INPP4B: variants seen among roughly 807,000 people sequenced by gnomAD.
The protein encoded by INPP4B is inositol polyphosphate 4-phosphatase type II.
INPP4B carries 55 observed loss-of-function variants against 122.5 expected under a neutral mutation model. The ratio of observed to expected loss-of-function variants is 0.45; its 90% CI spans 0.36 to 0.56. The LOEUF (loss-of-function observed/expected upper bound fraction) is 0.56. Among genes scored for constraint, INPP4B ranks in the 20% least tolerant of loss-of-function variants. The pLI, the probability that INPP4B is intolerant of heterozygous loss-of-function variation, is 0.00. For missense variants in INPP4B, 1,000 were observed against 1,097.7 expected, an observed-to-expected ratio of 0.91 and a Z score of 1.26; for synonymous variants, 403 against 388.7, an observed-to-expected ratio of 1.04 and a Z score of -0.43.
intron 15 of INPP4B, among the ~76,000 whole-genome samples, chr4:142,186,980 T>A (rs1833456247): frequency 6.6e-6 from 1 of 152,078 alleles, no homozygotes; most frequent in Non-Finnish European, 1.5e-5. Flanking sequence ...AAAGTCCACA[T>A]GGAGAAGAGA....
At chr4:142,779,909 G>A (rs549825101) in intron 1 of INPP4B, among the ~76,000 whole-genome samples, 1 of 152,220 alleles carries the variant, frequency 6.6e-6, no homozygotes, top group East Asian at 1.9e-4. Context: ...GAGAGTCACA[G>A]TGACAGAGAT....
intron 2 of INPP4B, among the ~76,000 whole-genome samples, chr4:142,559,536 T>A (rs1195801856): frequency 2.0e-5 from 3 of 152,144 alleles, no homozygotes; most frequent in Non-Finnish European, 4.4e-5. Context: ...ATAGCAAGGA[T>A]GTCTTGCTAT....
chr4:142,820,618 A>G (rs1780686186), intron 1 of INPP4B, among the ~76,000 whole-genome samples: 1 of 152,140 alleles, frequency 6.6e-6, no homozygotes, highest in Non-Finnish European at 1.5e-5. Context: ...AGGTCACATA[A>G]ATGTAATAAA....
chr4:142,671,918 C>T (rs1172927652), intron 2 of INPP4B, among the ~76,000 whole-genome samples: 1 of 152,120 alleles, frequency 6.6e-6, no homozygotes, highest in East Asian at 1.9e-4. Context: ...CTGAGGTCAA[C>T]TCCTACTCTA....
At chr4:142,690,199 A>G (rs1018540372) in intron 2 of INPP4B, among the ~76,000 whole-genome samples, 10 of 152,162 alleles carry the variant, frequency 6.6e-5, no homozygotes, top group African/African-American at 2.4e-4. Flanking sequence ...TATATGACTC[A>G]GGTGTGTTGC....
At chr4:142,498,780 T>A (rs1032187951) in intron 2 of INPP4B, among the ~76,000 whole-genome samples, 19 of 151,990 alleles carry the variant, frequency 1.3e-4, no homozygotes, top group African/African-American at 4.6e-4. Flanking sequence ...CAGACGGAGA[T>A]CCTGTCTCAA....
At chr4:142,602,822 G>A (rs1443442411) in intron 2 of INPP4B, among the ~76,000 whole-genome samples, 1 of 152,104 alleles carries the variant, frequency 6.6e-6, no homozygotes, top group Admixed American at 6.5e-5. Flanking sequence ...AAGACCTAGA[G>A]GCAGAAAGAT....
intron 25 of INPP4B, among the ~76,000 whole-genome samples, chr4:142,048,400 T>C (rs1477033823): frequency 6.6e-6 from 1 of 152,082 alleles, no homozygotes; most frequent in Non-Finnish European, 1.5e-5. Flanking sequence ...TAAACAGTTA[T>C]CAGAGTGGGC....
At chr4:142,044,264 C>T (rs962179319) in intron 25 of INPP4B, among the ~76,000 whole-genome samples, 1 of 152,046 alleles carries the variant, frequency 6.6e-6, no homozygotes, top group Admixed American at 6.6e-5. Flanking sequence ...TAGATGGAAT[C>T]ATCCACGTAG....
At chr4:142,452,911 T>TAA (rs145675840) in intron 3 of INPP4B, among the ~76,000 whole-genome samples, 8 of 150,208 alleles carry the variant, frequency 5.3e-5, no homozygotes, top group East Asian at 1.9e-4. Flanking sequence ...AACAACGGTT[T>TAA]AAAAAAAAAA....
At chr4:142,786,359 G>A (rs982346207) in intron 1 of INPP4B, among the ~76,000 whole-genome samples, 6 of 151,974 alleles carry the variant, frequency 3.9e-5, no homozygotes, top group African/African-American at 1.2e-4. Flanking sequence ...AACAATTTAA[G>A]CAAAAAATAA....
At chr4:142,119,031 A>T (rs1259654934) in intron 21 of INPP4B, among the ~76,000 whole-genome samples, 2 of 152,238 alleles carry the variant, frequency 1.3e-5, no homozygotes, top group African/African-American at 4.8e-5. Context: ...TGCAGCCAAC[A>T]GACACATGAA....
intron 2 of INPP4B, among the ~76,000 whole-genome samples, chr4:142,670,766 A>G (rs1054478537): frequency 1.3e-5 from 2 of 152,144 alleles, no homozygotes; most frequent in Admixed American, 6.6e-5. Flanking sequence ...AATATATTGT[A>G]TTATTAAAAA....
chr4:142,262,668 G>T (rs1740665083), intron 10 of INPP4B, among the ~76,000 whole-genome samples: 1 of 152,004 alleles, frequency 6.6e-6, no homozygotes, highest in African/African-American at 2.4e-5. Flanking sequence ...TGAATCCCCA[G>T]AACCTAGTAG....
intron 3 of INPP4B, among the ~76,000 whole-genome samples, chr4:142,462,400 GTAA>G (rs1291301406): frequency 6.6e-6 from 1 of 152,074 alleles, no homozygotes; most frequent in Non-Finnish European, 1.5e-5. Context: ...TTAATAATAA[GTAA>G]TAATATTAAT....
intron 2 of INPP4B, among the ~76,000 whole-genome samples, chr4:142,647,289 G>A (rs970951715): frequency 6.6e-6 from 1 of 152,074 alleles, no homozygotes. Context: ...TGTATCTTCA[G>A]GTAAATTTTA....
chr4:142,783,742 A>G (rs1775272665), intron 1 of INPP4B, among the ~76,000 whole-genome samples: 1 of 152,164 alleles, frequency 6.6e-6, no homozygotes, highest in Admixed American at 6.6e-5. Flanking sequence ...ATGACACTTC[A>G]TGTAGCGTAT....
intron 2 of INPP4B, among the ~76,000 whole-genome samples, chr4:142,602,458 C>A (rs115073771): frequency 0.013 from 1,979 of 151,852 alleles, 37 homozygotes; most frequent in African/African-American, 0.037. Flanking sequence ...GACATTCTTC[C>A]GAGAATTAGA....
At chr4:142,697,640 T>C (rs1249403593) in intron 2 of INPP4B, among the ~76,000 whole-genome samples, 1 of 152,138 alleles carries the variant, frequency 6.6e-6, no homozygotes, top group Non-Finnish European at 1.5e-5. Context: ...CCAAAGCATA[T>C]ACTGGAAACC....
Sources: gnomAD v4.1 joint callset for allele counts (sites outside exome capture counted in the v4.1 genomes callset) on GRCh38, gnomAD v4.1.1 for gene constraint, MANE v1.5 for transcripts, NCBI Gene and HGNC (gene_info 2026-07-23, HGNC 2026-07-21) for gene names.